Variants in MAPK9 observed in about 807,000 individuals in gnomAD.
MAPK9 encodes mitogen-activated protein kinase 9.
A neutral mutation model predicts 57.1 loss-of-function variants in MAPK9; 30 were observed. The observed-to-expected ratio is 0.53, with a 90% confidence interval of 0.39 to 0.71. The LOEUF is 0.71. Ranked by LOEUF, MAPK9 falls within the 30% of genes least tolerant of loss-of-function variation. The probability of loss-of-function intolerance (pLI) is 0.00; values close to 1 mark genes in which losing one functional copy is unlikely to be tolerated. For missense variants in MAPK9, 362 were observed against 521.0 expected, an observed-to-expected ratio of 0.69 and a Z score of 2.97; for synonymous variants, 155 against 177.0, an observed-to-expected ratio of 0.88 and a Z score of 0.99.
chr5:180,272,497 CTAAT>C (rs1156426727), intron 2 of MAPK9, among the ~76,000 whole-genome samples: 1 of 152,208 alleles, frequency 6.6e-6, no homozygotes, highest in Non-Finnish European at 1.5e-5. Flanking sequence ...ACACCCCCAA[CTAAT>C]TAGTGTCCCT....
chr5:180,279,061 G>A (rs1165365602), intron 2 of MAPK9, among the ~76,000 whole-genome samples: 5 of 151,440 alleles, frequency 3.3e-5, no homozygotes, highest in African/African-American at 9.7e-5. Context: ...AGGTTCAAGC[G>A]ATTCTCTTGC....
At position 180,235,812 on chromosome 5, in the gene MAPK9, G is replaced by C. The variant is rs1757132237; in HGVS notation, c.*572C>G. ...GCTATATATTTTTATTTATTAAATA[G>C]ATTTAATTATATGTCTTCTGAAATA... On this transcript the variant is annotated 3_prime_UTR_variant, in exon 12 of 12. Transcript: ENST00000452135. 1 of 152,282 alleles carries C rather than the reference G, an allele frequency of 6.6e-6. No homozygotes were observed. Among genetic ancestry groups the C allele is most frequent in the African/African-American group, 2.4e-5 (1 of 41,390 alleles). 9.4% of individuals were successfully genotyped at this position (152,282 alleles called of 1,614,324 possible).
At chr5:180,267,872 A>G (rs963747631) in intron 3 of MAPK9, among the ~76,000 whole-genome samples, 7 of 152,136 alleles carry the variant, frequency 4.6e-5, no homozygotes, top group South Asian at 2.1e-4. Context: ...TTATTTATTT[A>G]TTTATTTTGA....
At chr5:180,267,485 C>G (rs1390539770) in intron 3 of MAPK9, among the ~76,000 whole-genome samples, 2 of 149,812 alleles carry the variant, frequency 1.3e-5, no homozygotes, top group Non-Finnish European at 3.0e-5. Flanking sequence ...TGGCGTGAAC[C>G]TGGGAGGCGG....
chr5:180,242,653 G>A lies in MAPK9; in HGVS notation c.791C>T (p.Pro264Leu), dbSNP rs1405454742. The A allele has an allele frequency of 2.5e-6, 4 of 1,613,962 alleles. No individual in the cohort carries two copies. The Admixed American group carries it at 5.0e-5, about 20-fold the overall frequency. Residue 264 changes from proline (P) to leucine (L), a missense_variant, in exon 8 of 12, where the codon CCA (proline) becomes CTA (leucine). Physicochemically the swap from Pro to Leu is moderately conservative, Grantham distance 98. Transcript: ENST00000452135. ...TTCAAATTTGATTCCAGGATACTTT[G>A]GTCTGTTTTCGACATAATTCCTCAC... The part of the protein sequence containing the change: ...PTVRNYVENR[P>L]KYPGIKFEEL...
Position 180,242,583 on chromosome 5 carries a change from G to C in MAPK9, c.861C>G (p.Asp287Glu), listed in dbSNP as rs1157931756. The C allele has an allele frequency of 6.8e-6, 11 of 1,609,860 alleles. No homozygotes were observed. The Admixed American group carries it at 1.5e-4, about 22-fold the overall frequency. The part of the protein sequence containing the change: ...DWIFPSESER[D>E]KIKTSQARDL... ...AAAAGGATATCTTACTTTTTATTTTGTCTCGCTCAGATTCTGATGGGAATA... is the reference window on the plus strand; with the variant it reads ...AAAAGGATATCTTACTTTTTATTTTCTCTCGCTCAGATTCTGATGGGAATA... The change falls in exon 8 of 12, where the codon GAC becomes GAG. Residue 287 changes from aspartate (D) to glutamate (E), a missense_variant. Physicochemically the swap from Asp to Glu is conservative, Grantham distance 45 (BLOSUM62 2). Transcript: ENST00000452135.
At chr5:180,245,532 C>T (rs927734214) in intron 7 of MAPK9, among the ~76,000 whole-genome samples, 1 of 152,140 alleles carries the variant, frequency 6.6e-6, no homozygotes, top group African/African-American at 2.4e-5. Flanking sequence ...CCCGAGAGGA[C>T]TCCACCCCAG....
At chr5:180,257,998 T>C (rs1759477266) in intron 5 of MAPK9, 1 of 152,892 alleles carries the variant, frequency 6.5e-6, no homozygotes, top group Non-Finnish European at 1.5e-5. Context: ...TGAGAAAACC[T>C]TCATTTCTCT....
At chr5:180,276,520 T>C (rs1761830914) in intron 2 of MAPK9, among the ~76,000 whole-genome samples, 2 of 152,260 alleles carry the variant, frequency 1.3e-5, no homozygotes, top group African/African-American at 4.8e-5. Flanking sequence ...AATTGTACTA[T>C]AACACAGTTG....
At chr5:180,237,344 G>A (rs1270619142) in intron 11 of MAPK9, 4 of 152,164 alleles carry the variant, frequency 2.6e-5, no homozygotes, top group Admixed American at 1.3e-4. Flanking sequence ...ATGCTTCCCA[G>A]TGGGAGTGGG....
chr5:180,285,301 C>T (rs925640483), intron 1 of MAPK9, among the ~76,000 whole-genome samples: 2 of 152,162 alleles, frequency 1.3e-5, no homozygotes, highest in African/African-American at 4.8e-5. Context: ...GAGTGTTTCA[C>T]CACAATATTC....
intron 4 of MAPK9, among the ~76,000 whole-genome samples, chr5:180,262,489 G>A (rs534827725): frequency 2.6e-5 from 4 of 151,112 alleles, no homozygotes; most frequent in Non-Finnish European, 4.4e-5. Context: ...GTGCAGTGGC[G>A]TGATCTCGCC....
At chr5:180,261,586 C>T (rs1759971542) in intron 5 of MAPK9, 98 bp downstream of exon 5, 10 of 1,169,660 alleles carry the variant, frequency 8.5e-6, no homozygotes, top group Non-Finnish European at 1.1e-5. Context: ...TTTGGATTTT[C>T]AAGCCTAACA....
Position 180,238,382 on chromosome 5 carries a change from A to G in MAPK9, c.1082T>C (p.Met361Thr). Reference sequence around the variant, plus strand: ...ATTCTTGCTTCTTTCTTCCCAATCCATGACTTCTTTGTAAATTAGCTCTTT... The same window carrying G: ...ATTCTTGCTTCTTTCTTCCCAATCCGTGACTTCTTTGTAAATTAGCTCTTT... ...EWKELIYKEV[M>T]DWEERSKNGV... The change falls in exon 11 of 12, where the codon ATG becomes ACG. Residue 361 changes from methionine (M) to threonine (T), a missense_variant. This residue lies in a region of MAPK9 where 199 missense variants were observed against 251.3 expected (regional missense o/e 0.79). Transcript: ENST00000452135. 1 of 1,611,830 alleles carries G rather than the reference A, an allele frequency of 6.2e-7. No homozygotes were observed. Among genetic ancestry groups the G allele is most frequent in the Non-Finnish European group, 8.5e-7 (1 of 1,178,108 alleles).
chr5:180,290,289 C>T (rs1329142041), intron 1 of MAPK9, among the ~76,000 whole-genome samples: 3 of 152,218 alleles, frequency 2.0e-5, no homozygotes, highest in Non-Finnish European at 4.4e-5. Flanking sequence ...CCTTCCTTGG[C>T]CCTGCTCCTT....
chr5:180,251,127 A>G (rs565541516), intron 5 of MAPK9, among the ~76,000 whole-genome samples: 16 of 152,332 alleles, frequency 1.1e-4, no homozygotes, highest in African/African-American at 3.8e-4. Context: ...GAAAGCAAGC[A>G]GACTCGGTGC....
At chr5:180,278,418 T>G (rs1002889033) in intron 2 of MAPK9, among the ~76,000 whole-genome samples, 1 of 152,230 alleles carries the variant, frequency 6.6e-6, no homozygotes, top group African/African-American at 2.4e-5. Context: ...CAGCTACCTG[T>G]AGGCCGGGCG....
At chr5:180,265,010 T>C (rs1451952987) in intron 3 of MAPK9, among the ~76,000 whole-genome samples, 171 bp from the exon 4 acceptor site, 1 of 152,188 alleles carries the variant, frequency 6.6e-6, no homozygotes, top group Non-Finnish European at 1.5e-5. Flanking sequence ...TAAACATCAA[T>C]TAAAGGAAAG....
chr5:180,262,886 C>T (rs1306575411), intron 4 of MAPK9: 1 of 152,372 alleles, frequency 6.6e-6, no homozygotes, highest in African/African-American at 2.4e-5. Flanking sequence ...CCTGTCCTGT[C>T]TCTAACTTCT....
Sources: gnomAD v4.1 joint callset for allele counts (sites outside exome capture counted in the v4.1 genomes callset) on GRCh38, gnomAD v4.1.1 for gene constraint, gnomAD v4.1.1 regional missense constraint, MANE v1.5 for transcripts, NCBI Gene and HGNC (gene_info 2026-07-23, HGNC 2026-07-21) for gene names.